Variants in DLG2 observed in about 807,000 individuals in gnomAD.
The protein encoded by DLG2 is disks large homolog 2.
In DLG2, 45 loss-of-function variants were observed where a neutral mutation model predicts 132.5. That is an observed-to-expected ratio of 0.34 (90% confidence interval 0.27 to 0.44). DLG2 has a LOEUF of 0.44. Ranked by LOEUF, DLG2 falls within the 20% of genes least tolerant of loss-of-function variation. The pLI is 1.00. For synonymous variants in DLG2, 424 were observed against 419.6 expected (o/e 1.01, Z -0.13); for missense variants, 1,045 against 1,196.9 (o/e 0.87, Z 1.87).
intron 6 of DLG2, among the ~76,000 whole-genome samples, chr11:84,993,033 C>A (rs2057296027): frequency 6.6e-6 from 1 of 152,174 alleles, no homozygotes; most frequent in Admixed American, 6.5e-5. Context: ...CCCAAATGCC[C>A]ATCAATGATA....
intron 5 of DLG2, among the ~76,000 whole-genome samples, chr11:85,125,466 T>C (rs2152385731): frequency 6.6e-6 from 1 of 152,334 alleles, no homozygotes; most frequent in South Asian, 2.1e-4. Context: ...TCTGAAAAAC[T>C]ACAAATCTAC....
intron 11 of DLG2, among the ~76,000 whole-genome samples, chr11:84,028,167 AT>A (rs2095592931): frequency 6.6e-6 from 1 of 152,068 alleles, no homozygotes; most frequent in East Asian, 1.9e-4. Context: ...ATCTCTCTTC[AT>A]TTCAAATATT....
chr11:84,578,329 C>T (rs2099508278), intron 6 of DLG2, among the ~76,000 whole-genome samples: 1 of 152,194 alleles, frequency 6.6e-6, no homozygotes, highest in Non-Finnish European at 1.5e-5. Flanking sequence ...CGACAGCTTG[C>T]ACTGTGTACC....
chr11:84,058,183 G>A (rs2154129618), intron 11 of DLG2, among the ~76,000 whole-genome samples: 1 of 152,068 alleles, frequency 6.6e-6, no homozygotes, highest in East Asian at 1.9e-4. Context: ...AGATTAAATA[G>A]ATTTTAAAGA....
At chr11:84,413,708 T>C (rs1421170182) in intron 7 of DLG2, among the ~76,000 whole-genome samples, 1 of 152,222 alleles carries the variant, frequency 6.6e-6, no homozygotes, top group African/African-American at 2.4e-5. Flanking sequence ...CCTGCTGACA[T>C]CAGCTATCAA....
intron 3 of DLG2, among the ~76,000 whole-genome samples, chr11:85,361,570 T>C (rs1192331791): frequency 6.6e-6 from 1 of 152,230 alleles, no homozygotes. Flanking sequence ...TGACTATCTG[T>C]TTCTGAGTTA....
At chr11:85,391,098 A>C (rs973746392) in intron 3 of DLG2, among the ~76,000 whole-genome samples, 11 of 152,102 alleles carry the variant, frequency 7.2e-5, no homozygotes, top group African/African-American at 2.7e-4. Context: ...GAGGAAAAAC[A>C]GGAGATATTG....
intron 3 of DLG2, among the ~76,000 whole-genome samples, chr11:85,433,283 G>A (rs147006319): frequency 8.5e-4 from 129 of 152,172 alleles, no homozygotes; most frequent in African/African-American, 1.8e-3. Flanking sequence ...AGCAGCTAGC[G>A]TCAGGATAAT....
intron 6 of DLG2, among the ~76,000 whole-genome samples, chr11:84,670,472 A>T (rs1391709363): frequency 2.0e-5 from 3 of 152,178 alleles, no homozygotes; most frequent in Non-Finnish European, 4.4e-5. Flanking sequence ...CAGGGCGCTT[A>T]TGATGGGATG....
At position 83,469,200 on chromosome 11, in the gene DLG2, C is replaced by A; in HGVS notation, c.2619+1G>T. ...AGGTGTAAGAAGATTGGTGAACATA[C>A]TCTTTCTGCTACAAATCTCACAGAC... On this transcript the variant is annotated splice_donor_variant, in intron 25 of 27. Transcript: ENST00000376104. LOFTEE classifies it high-confidence loss of function. 1 of 1,599,406 alleles carries A rather than the reference C, an allele frequency of 6.3e-7. No homozygotes were observed. Among genetic ancestry groups the A allele is most frequent in the Non-Finnish European group, 8.5e-7 (1 of 1,173,160 alleles).
chr11:85,450,010 C>T (rs1349793706), intron 3 of DLG2, among the ~76,000 whole-genome samples: 1 of 151,904 alleles, frequency 6.6e-6, no homozygotes. Flanking sequence ...GCCTGTAATC[C>T]CAGCTACTTG....
At chr11:84,965,793 G>C (rs1460609799) in intron 6 of DLG2, among the ~76,000 whole-genome samples, 1 of 151,948 alleles carries the variant, frequency 6.6e-6, no homozygotes, top group East Asian at 1.9e-4. Flanking sequence ...TTAAATAGGA[G>C]AACACGGGGA....
At position 84,714,615 on chromosome 11, in the gene DLG2, C is replaced by T. The variant is rs1189172949; in HGVS notation, c.358-179884G>A. Reference sequence around the variant, plus strand: ...TCTCTTTCTTTCTCTTTCTCTTTCTCTTTCTCTTTCTCTCTCTCTCTCTCT... The same window carrying T: ...TCTCTTTCTTTCTCTTTCTCTTTCTTTTTCTCTTTCTCTCTCTCTCTCTCT... On this transcript the variant is annotated intron_variant, in intron 6 of 27. Transcript: ENST00000376104. Among the ~76,000 whole-genome samples the T allele has an allele frequency of 5.5e-4, 60 of 108,860 alleles. 2 individuals carry two copies. Among genetic ancestry groups the T allele is most frequent in the African/African-American group, 2.1e-3 (53 of 25,748 alleles). The allele number at this position is 108,860 out of a possible 152,430, so 71.4% of individuals were successfully genotyped here. A position where few individuals can be genotyped will look rare whatever the true frequency, so the allele number is the denominator to read the frequency against.
At chr11:85,423,147 A>C (rs965445696) in intron 3 of DLG2, among the ~76,000 whole-genome samples, 3 of 150,284 alleles carry the variant, frequency 2.0e-5, no homozygotes, top group Non-Finnish European at 3.0e-5. Context: ...CTGAGGTAGA[A>C]CTCTCCCCTT....
intron 6 of DLG2, among the ~76,000 whole-genome samples, chr11:84,979,975 T>TA (rs931180986): frequency 1.2e-4 from 19 of 152,272 alleles, no homozygotes; most frequent in African/African-American, 4.1e-4. Flanking sequence ...CATGCTTTAT[T>TA]ATTTAGGAAC....
At chr11:83,860,124 G>C (rs1319818522) in intron 16 of DLG2, among the ~76,000 whole-genome samples, 1 of 152,186 alleles carries the variant, frequency 6.6e-6, no homozygotes, top group African/African-American at 2.4e-5. Context: ...CCTCTGCTAG[G>C]GCAGTGTAGA....
chr11:84,392,590 C>T (rs1055714983), intron 7 of DLG2, among the ~76,000 whole-genome samples: 2 of 152,170 alleles, frequency 1.3e-5, no homozygotes, highest in Non-Finnish European at 2.9e-5. Flanking sequence ...TATTTGCAAG[C>T]ATGTATTGAA....
intron 6 of DLG2, among the ~76,000 whole-genome samples, chr11:84,596,652 G>A (rs1401668450): frequency 6.6e-6 from 1 of 152,172 alleles, no homozygotes; most frequent in Middle Eastern, 3.4e-3. Context: ...GGTGTATGTA[G>A]TCATTTGTGG....
intron 6 of DLG2, among the ~76,000 whole-genome samples, chr11:84,670,837 G>T (rs535215707): frequency 6.6e-6 from 1 of 151,948 alleles, no homozygotes; most frequent in South Asian, 2.1e-4. Context: ...AGCACCATTT[G>T]TTTTGACACT....
Sources: allele counts gnomAD v4.1 joint callset (sites outside exome capture counted in the v4.1 genomes callset), GRCh38; gene constraint gnomAD v4.1.1; transcripts MANE v1.5; gene names NCBI Gene and HGNC (gene_info 2026-07-23, HGNC 2026-07-21).